Variants in NUP205 observed in about 807,000 individuals in gnomAD.
NUP205 encodes the protein nucleoporin 205, also known as nuclear pore complex protein Nup205.
NUP205 carries 76 observed loss-of-function variants against 253.8 expected under a neutral mutation model. That is an observed-to-expected ratio of 0.30 (90% CI 0.25 to 0.36). The LOEUF is 0.36. Among genes scored for constraint, NUP205 ranks in the 10% least tolerant of loss-of-function variants. The probability of loss-of-function intolerance (pLI) is 1.00; values close to 1 mark genes in which losing one functional copy is unlikely to be tolerated. For synonymous variants in NUP205, 832 were observed against 850.1 expected (o/e 0.98, Z 0.37); for missense variants, 2,162 against 2,425.5 (o/e 0.89, Z 2.28).
intron 11 of NUP205, among the ~76,000 whole-genome samples, 195 bp downstream of exon 11, chr7:135,591,795 G>A (rs570270599): frequency 1.1e-4 from 16 of 152,272 alleles, no homozygotes; most frequent in Admixed American, 9.8e-4. Context: ...CACAGATTGG[G>A]GAGTTTTGTC....
intron 37 of NUP205, 31 bp from the exon 38 acceptor site, chr7:135,638,526 T>G (rs1794860269): frequency 1.2e-6 from 2 of 1,608,514 alleles, no homozygotes; most frequent in Non-Finnish European, 1.7e-6. Context: ...TTCAGGGTCT[T>G]AACATTTTTG....
intron 23 of NUP205, among the ~76,000 whole-genome samples, chr7:135,614,748 A>G (rs956095525): frequency 8.5e-5 from 13 of 152,228 alleles, no homozygotes; most frequent in African/African-American, 2.9e-4. Flanking sequence ...ATGGCTAACA[A>G]TTATTCCAGG....
chr7:135,628,332 A>G (rs1330652812), intron 34 of NUP205, among the ~76,000 whole-genome samples: 1 of 152,160 alleles, frequency 6.6e-6, no homozygotes, highest in African/African-American at 2.4e-5. Flanking sequence ...TAATAGAATC[A>G]TAAGACAGGA....
At chr7:135,583,596 C>T (rs1220146748) in intron 7 of NUP205, among the ~76,000 whole-genome samples, 1 of 151,962 alleles carries the variant, frequency 6.6e-6, no homozygotes, top group Non-Finnish European at 1.5e-5. Context: ...CCTGTCTCTA[C>T]TAAAAATACA....
Position 135,573,637 on chromosome 7 carries a change from C to G in NUP205, c.172-17C>G. The stretch of plus-strand genomic sequence containing the variant: ...CAGTGTGCTATTTTCATAACAATTA[C>G]AATTTTATCATTGTAGCCAAAAAAT... On this transcript the variant is annotated splice_polypyrimidine_tract_variant and intron_variant, in intron 2 of 42. Coordinates refer to ENST00000285968, the MANE Select transcript of NUP205 (RefSeq NM_015135.3). The G allele has an allele frequency of 6.2e-7, 1 of 1,602,212 alleles. No homozygotes were observed. The highest frequency in any genetic ancestry group is 8.5e-7 in the Non-Finnish European group (1 of 1,174,524).
Position 135,600,953 on chromosome 7 carries a change from G to T in NUP205, c.2358G>T (p.Gln786His), listed in dbSNP as rs750790463. The T allele has an allele frequency of 6.2e-7, 1 of 1,601,334 alleles. No homozygotes were observed. Among genetic ancestry groups the T allele is most frequent in the Non-Finnish European group, 8.6e-7 (1 of 1,169,482 alleles). Residue 786 changes from glutamine (Q) to histidine (H), a missense_variant, in exon 16 of 43, where the codon CAG (glutamine) becomes CAT (histidine). This residue lies in a region of NUP205 where 892 missense variants were observed against 957.1 expected (regional missense o/e 0.93). Coordinates refer to ENST00000285968, the MANE Select transcript of NUP205 (RefSeq NM_015135.3). ...CTCAGCTTGAAGATTTTGTAGACCA[G>T]TTTGTGGAACTACAAGGTAATTTAA... ...YEPQLEDFVDQFVELQGEEII... is the reference protein window; with the variant it reads ...YEPQLEDFVDHFVELQGEEII...
At chr7:135,598,267 A>C in intron 15 of NUP205, 60 bp downstream of exon 15, 1 of 1,402,708 alleles carries the variant, frequency 7.1e-7, no homozygotes, top group Non-Finnish European at 1.0e-6. Context: ...CTTTTATCAA[A>C]AGTATATGGT....
In NUP205 at chr7:135,587,629, AT is replaced by A; in HGVS notation, c.1274del (p.Met425SerfsTer18). The A allele has an allele frequency of 6.2e-7, 1 of 1,611,746 alleles. No individual in the cohort carries two copies. On this transcript the variant is annotated frameshift_variant, in exon 9 of 43. Transcript: ENST00000285968. LOFTEE classifies it high-confidence loss of function. ...DEDARMIHMS[M>X]QMGNEPPISL... ...AGATGCTCGAATGATTCACATGAGT[AT>A]GCAGATGGGTAATGAACCCCCCATT... is the stretch of plus-strand genomic sequence containing the variant.
intron 30 of NUP205, 74 bp downstream of exon 30, chr7:135,619,962 C>A: frequency 1.0e-6 from 1 of 996,538 alleles, no homozygotes; most frequent in Non-Finnish European, 1.6e-6. Context: ...AAAATCACTT[C>A]TCCATCTTTT....
chr7:135,577,542 T>C (rs1806184234), intron 5 of NUP205, among the ~76,000 whole-genome samples: 1 of 152,190 alleles, frequency 6.6e-6, no homozygotes, highest in South Asian at 2.1e-4. Context: ...TCAGCTTCGG[T>C]ATAGTCATTT....
chr7:135,616,608 G>C, intron 24 of NUP205, 47 bp from the exon 25 acceptor site: 1 of 1,118,238 alleles, frequency 8.9e-7, no homozygotes. Context: ...ATAGTTTTAA[G>C]AGTATGTTCT....
At chr7:135,586,341 T>C (rs1314002888) in intron 8 of NUP205, among the ~76,000 whole-genome samples, 1 of 152,188 alleles carries the variant, frequency 6.6e-6, no homozygotes, top group African/African-American at 2.4e-5. Context: ...TTAACCTTGC[T>C]TGAAGTTTAT....
chr7:135,620,715 A>G (rs559774864), intron 30 of NUP205, among the ~76,000 whole-genome samples: 130 of 152,332 alleles, frequency 8.5e-4, no homozygotes, highest in Middle Eastern at 3.4e-3. Context: ...GTGTAAAAGT[A>G]TGTACTTTTA....
rs1452031816 is a variant in NUP205, at chr7:135,630,355, T to C, written c.4944T>C (p.Phe1648=). ...TTTCAATGGCTTAGGTATTGCAGTT[T>C]CTTATTTCACATTCTGATACCATAC... The part of the protein sequence containing the change: ...HLQAAGQVLQ[F]LISHSDTIQA... The change falls in exon 35 of 43, where the codon TTT becomes TTC. Residue 1648 remains phenylalanine, a synonymous_variant. Transcript: ENST00000285968. 1 of 1,590,076 alleles carries C rather than the reference T, an allele frequency of 6.3e-7. No homozygotes were observed. Among genetic ancestry groups the C allele is most frequent in the African/African-American group, 1.4e-5 (1 of 73,794 alleles).
Position 135,558,225 on chromosome 7 carries a change from T to G in NUP205, c.28+253T>G, listed in dbSNP as rs11763242. On this transcript the variant is annotated intron_variant, in intron 1 of 42. Transcript: ENST00000285968. ...GGCCGCTGGACCCAGGTGTGTAATC[T>G]CTCACAGCCCAGGGCTGAGTCTGGT... 121,753 of 546,024 alleles carry G rather than the reference T, an allele frequency of 0.22. 15,982 individuals carry two copies. The highest frequency in any genetic ancestry group is 0.49 in the East Asian group (15,294 of 31,378). The allele number at this position is 546,024 out of a possible 1,614,324, so 33.8% of individuals were successfully genotyped here.
intron 17 of NUP205, 34 bp from the exon 18 acceptor site, chr7:135,602,771 T>C: frequency 6.6e-7 from 1 of 1,523,902 alleles, no homozygotes; most frequent in South Asian, 1.2e-5. Context: ...TTAAGATAAA[T>C]TTAGAACTTT....
In NUP205 at chr7:135,577,975, A is replaced by C. The variant is rs568380716; in HGVS notation, c.828A>C (p.Leu276=). Reference sequence around the variant, plus strand: ...ATCTGGCTCTTCTTATGGCGCTTCTATACTGTTTTGATATCAGTTTTATAG... The same window carrying C: ...ATCTGGCTCTTCTTATGGCGCTTCTCTACTGTTTTGATATCAGTTTTATAG... The part of the protein sequence containing the change: ...AVNLALLMAL[L]YCFDISFIEQ... Residue 276 remains leucine (L), a synonymous_variant, in exon 6 of 43, where the codon CTA becomes CTC. Transcript: ENST00000285968. 5.6e-6 allele frequency: 9 copies of C among 1,613,974 alleles called. No homozygotes were observed. The highest frequency in any genetic ancestry group is 1.3e-5 in the African/African-American group (1 of 74,924).
At position 135,618,459 on chromosome 7, in the gene NUP205, G is replaced by A; in HGVS notation, c.3819G>A (p.Leu1273=). 1 of 1,614,094 alleles carries A rather than the reference G, an allele frequency of 6.2e-7. No individual in the cohort carries two copies. Among genetic ancestry groups the A allele is most frequent in the Non-Finnish European group, 8.5e-7 (1 of 1,180,002 alleles). The change falls in exon 28 of 43, where the codon CTG becomes CTA. Residue 1273 remains leucine (L), a synonymous_variant. Transcript: ENST00000285968. ...ATGTGGTAGGAAGAAATAAATTGCT[G>A]CAGTGTCTTCATGCAAAACGTCATG... ...LQYVVGRNKL[L]QCLHAKRHAL... is the part of the protein sequence containing the mutation.
chr7:135,563,483 C>T (rs908990084), intron 1 of NUP205, among the ~76,000 whole-genome samples: 7 of 152,030 alleles, frequency 4.6e-5, no homozygotes, highest in Non-Finnish European at 1.0e-4. Flanking sequence ...CCACTGTGCC[C>T]GGCCAGATTT....
Sources: gnomAD v4.1 joint callset for allele counts (sites outside exome capture counted in the v4.1 genomes callset) on GRCh38, gnomAD v4.1.1 for gene constraint, gnomAD v4.1.1 regional missense constraint, MANE v1.5 for transcripts, NCBI Gene and HGNC (gene_info 2026-07-23, HGNC 2026-07-21) for gene names.